Variants in NTM observed in about 807,000 individuals in gnomAD.
NTM encodes the protein neurotrimin, also known as IgLON family member 2.
NTM carries 13 observed loss-of-function variants against 42.1 expected under a neutral mutation model. The observed-to-expected ratio is 0.31, with a 90% CI of 0.20 to 0.49. The LOEUF (loss-of-function observed/expected upper bound fraction) is 0.49, where lower values mean the gene tolerates loss of function less well. NTM is among the 20% of genes least tolerant of loss of function. NTM has a pLI of 0.99. For missense variants in NTM, 373 were observed against 452.8 expected, an observed-to-expected ratio of 0.82 and a Z score of 1.60; for synonymous variants, 187 against 179.2, an observed-to-expected ratio of 1.04 and a Z score of -0.35.
intron 2 of NTM, among the ~76,000 whole-genome samples, chr11:132,124,637 A>T (rs1224572198): frequency 1.3e-5 from 2 of 152,172 alleles, no homozygotes; most frequent in East Asian, 3.9e-4. Flanking sequence ...GCGCACGCGC[A>T]GGGCGGGGTT....
chr11:131,637,096 C>A (rs896435395), intron 1 of NTM, among the ~76,000 whole-genome samples: 1 of 152,098 alleles, frequency 6.6e-6, no homozygotes, highest in Non-Finnish European at 1.5e-5. Context: ...TCAGCAGATG[C>A]CAACCTGGGT....
chr11:131,672,167 T>G (rs2070404107), intron 1 of NTM, among the ~76,000 whole-genome samples: 1 of 152,170 alleles, frequency 6.6e-6, no homozygotes, highest in African/African-American at 2.4e-5. Flanking sequence ...GGAACAAGCC[T>G]GCGTGGTGCT....
At chr11:132,258,581 C>T (rs1015868016) in intron 4 of NTM, among the ~76,000 whole-genome samples, 1 of 152,152 alleles carries the variant, frequency 6.6e-6, no homozygotes, top group African/African-American at 2.4e-5. Context: ...CTAGGCTTCT[C>T]TCTATGTATT....
At chr11:131,900,509 G>C (rs58363169) in intron 1 of NTM, among the ~76,000 whole-genome samples, 1,766 of 152,342 alleles carry the variant, frequency 0.012, 35 homozygotes, top group African/African-American at 0.04. Flanking sequence ...GGACATCCAC[G>C]TAAGATGAAT....
At chr11:132,217,382 GTGTGTGTGTATGTGTA>G (rs1446026230) in intron 4 of NTM, among the ~76,000 whole-genome samples, 1 of 151,018 alleles carries the variant, frequency 6.6e-6, no homozygotes, top group Admixed American at 6.6e-5. Flanking sequence ...GTGTGTGTGT[GTGTGTGTGTATGTGTA>G]TGTGTATGTG....
At chr11:131,558,288 C>A (rs1229654142) in intron 1 of NTM, among the ~76,000 whole-genome samples, 8 of 152,276 alleles carry the variant, frequency 5.3e-5, no homozygotes, top group South Asian at 4.1e-4. Flanking sequence ...CAGCCCTCCT[C>A]ATACCTGACA....
intron 1 of NTM, among the ~76,000 whole-genome samples, chr11:131,686,039 G>A (rs912153650): frequency 6.6e-6 from 1 of 152,116 alleles, no homozygotes; most frequent in Non-Finnish European, 1.5e-5. Flanking sequence ...GAACACATAA[G>A]GGGCTAAACA....
At chr11:131,559,859 T>C (rs2055994064) in intron 1 of NTM, among the ~76,000 whole-genome samples, 1 of 152,146 alleles carries the variant, frequency 6.6e-6, no homozygotes, top group Non-Finnish European at 1.5e-5. Flanking sequence ...TTAAAGTGTA[T>C]ACATCCCTTC....
At chr11:132,209,899 C>T (rs1273666906) in intron 3 of NTM, among the ~76,000 whole-genome samples, 2 of 152,100 alleles carry the variant, frequency 1.3e-5, no homozygotes, top group Non-Finnish European at 2.9e-5. Flanking sequence ...TGGGTGGATG[C>T]AGGACATACA....
chr11:131,929,591 T>C (rs2058370289), intron 2 of NTM, among the ~76,000 whole-genome samples: 1 of 152,122 alleles, frequency 6.6e-6, no homozygotes, highest in Non-Finnish European at 1.5e-5. Flanking sequence ...GAACCTCCTC[T>C]GCACTCCCAC....
chr11:132,083,242 A>C (rs1375880341), intron 2 of NTM, among the ~76,000 whole-genome samples: 1 of 152,248 alleles, frequency 6.6e-6, no homozygotes, highest in African/African-American at 2.4e-5. Context: ...TCTAGAATTT[A>C]ATGACAAATC....
intron 2 of NTM, among the ~76,000 whole-genome samples, chr11:132,131,770 G>A (rs1414860514): frequency 6.6e-6 from 1 of 152,134 alleles, no homozygotes; most frequent in Non-Finnish European, 1.5e-5. Context: ...GGTCCCTGCG[G>A]CAAAAAGAGT....
At chr11:131,548,236 T>C (rs958821925) in intron 1 of NTM, among the ~76,000 whole-genome samples, 5 of 152,190 alleles carry the variant, frequency 3.3e-5, no homozygotes, top group African/African-American at 1.2e-4. Context: ...GCAAGAATTT[T>C]TCCCTTTGGC....
intron 1 of NTM, among the ~76,000 whole-genome samples, chr11:131,572,340 A>G (rs1274201195): frequency 6.6e-6 from 1 of 152,154 alleles, no homozygotes; most frequent in Non-Finnish European, 1.5e-5. Flanking sequence ...TACAGAGAAC[A>G]ATTTAAGATA....
chr11:131,388,681 T>C (rs908386317), intron 1 of NTM, among the ~76,000 whole-genome samples: 4 of 151,812 alleles, frequency 2.6e-5, no homozygotes, highest in African/African-American at 9.7e-5. Context: ...GATCTGTATT[T>C]GGGGAAAGAG....
chr11:131,490,038 A>G (rs1954609849), intron 1 of NTM, among the ~76,000 whole-genome samples: 1 of 152,206 alleles, frequency 6.6e-6, no homozygotes, highest in African/African-American at 2.4e-5. Flanking sequence ...CAGAGATTGC[A>G]TGGCGAGAGA....
At chr11:131,603,205 C>A (rs950533121) in intron 1 of NTM, among the ~76,000 whole-genome samples, 1 of 152,126 alleles carries the variant, frequency 6.6e-6, no homozygotes, top group African/African-American at 2.4e-5. Context: ...TGCCATTTAT[C>A]ATTTTATTCA....
At chr11:131,830,367 G>T (rs1490582249) in intron 1 of NTM, among the ~76,000 whole-genome samples, 1 of 152,164 alleles carries the variant, frequency 6.6e-6, no homozygotes, top group Non-Finnish European at 1.5e-5. Context: ...CAGAAGTCAA[G>T]TTTCATCCTT....
chr11:131,880,271 G>A (rs2049260063), intron 1 of NTM, among the ~76,000 whole-genome samples: 1 of 152,206 alleles, frequency 6.6e-6, no homozygotes, highest in African/African-American at 2.4e-5. Flanking sequence ...GCCCTTGCTG[G>A]TGCTGGCTCT....
Sources: allele counts gnomAD v4.1 joint callset (sites outside exome capture counted in the v4.1 genomes callset), GRCh38; gene constraint gnomAD v4.1.1; transcripts MANE v1.5; gene names NCBI Gene and HGNC (gene_info 2026-07-23, HGNC 2026-07-21).